The following KCNG3 variants were observed in gnomAD, a reference collection of about 807,000 sequenced individuals.
KCNG3 encodes the protein voltage-gated potassium channel regulatory subunit KCNG3.
In KCNG3, 15 loss-of-function variants were observed where a neutral mutation model predicts 29.0. The ratio of observed to expected loss-of-function variants is 0.52; its 90% CI spans 0.35 to 0.80. KCNG3 has a LOEUF of 0.80. KCNG3 is among the 30% of genes least tolerant of loss of function. The pLI is 0.01. For synonymous variants in KCNG3, 322 were observed against 248.9 expected (o/e 1.29, Z -2.76); for missense variants, 512 against 605.7 (o/e 0.85, Z 1.62).
chr2:42,459,739 G>A (rs1414616565), intron 1 of KCNG3, among the ~76,000 whole-genome samples: 2 of 152,220 alleles, frequency 1.3e-5, no homozygotes, highest in African/African-American at 4.8e-5. Flanking sequence ...CTCTTTGGGA[G>A]GTCAAGGCGG....
chr2:42,406,314 G>T, the KCNG3 span, among the ~76,000 whole-genome samples: 1 of 151,194 alleles, frequency 6.6e-6, no homozygotes, highest in South Asian at 2.1e-4. Flanking sequence ...CTGCCTCCTG[G>T]GTTCAAGCAA....
chr2:42,413,081 GT>G, the KCNG3 span, among the ~76,000 whole-genome samples: 1 of 152,068 alleles, frequency 6.6e-6, no homozygotes, highest in East Asian at 1.9e-4. Flanking sequence ...CTCCTGCATA[GT>G]TTACAGTGGC....
At chr2:42,462,300 A>C (rs1476102018) in intron 1 of KCNG3, among the ~76,000 whole-genome samples, 2 of 152,102 alleles carry the variant, frequency 1.3e-5, no homozygotes, top group African/African-American at 4.8e-5. Context: ...CACCCTCTCC[A>C]CCCCAAAATG....
At chr2:42,439,385 C>T (rs571260299), downstream of KCNG3, among the ~76,000 whole-genome samples, 84 of 151,916 alleles carry the variant, frequency 5.5e-4, no homozygotes, top group African/African-American at 2.0e-3. Context: ...CCTCAGCCTT[C>T]TGCGTAGCTG....
At chr2:42,449,521 T>C (rs1319886582) in intron 1 of KCNG3, among the ~76,000 whole-genome samples, 2 of 145,792 alleles carry the variant, frequency 1.4e-5, no homozygotes, top group Non-Finnish European at 3.0e-5. Context: ...TTTCTTTTTT[T>C]TTTTTTTTTT....
chr2:42,493,451 G>C lies in KCNG3; in HGVS notation c.51C>G (p.Gly17=). Residue 17 remains glycine, a synonymous_variant, in exon 1 of 2, where the codon GGC becomes GGG. Coordinates refer to ENST00000306078, the MANE Select transcript of KCNG3 (RefSeq NM_133329.6). ...GAASVVLNVG[G]ARYSLSRELL... ...GCTCCCGGGACAGCGAATACCGGGC[G>C]CCGCCCACGTTCAGCACCACCGAGG... 6.8e-7 allele frequency: 1 copy of C among 1,465,614 alleles called. No individual in the cohort carries two copies. Among genetic ancestry groups the C allele is most frequent in the South Asian group, 1.4e-5 (1 of 71,328 alleles). 90.8% of individuals were successfully genotyped at this position (1,465,614 alleles called of 1,614,324 possible).
the KCNG3 span, among the ~76,000 whole-genome samples, chr2:42,419,493 C>T: frequency 6.6e-6 from 1 of 151,910 alleles, no homozygotes; most frequent in African/African-American, 2.4e-5. Context: ...CTCCCCGCCT[C>T]GGCCTCCCAA....
At chr2:42,449,514 C>CTTTTTTTTTTTTTTTTTTTTTTTT (rs36088470) in intron 1 of KCNG3, among the ~76,000 whole-genome samples, 1 of 99,462 alleles carries the variant, frequency 1.0e-5, no homozygotes, top group African/African-American at 3.7e-5. Context: ...ACTGAGATTT[C>CTTTTTTTTTTTTTTTTTTTTTTTT]TTTTTTTTTT....
At chr2:42,458,586 T>G (rs550749664) in intron 1 of KCNG3, among the ~76,000 whole-genome samples, 1 of 152,342 alleles carries the variant, frequency 6.6e-6, no homozygotes, top group East Asian at 1.9e-4. Context: ...TGTGAAAAAT[T>G]ACAGGCAATT....
At chr2:42,420,426 CAT>C in the KCNG3 span, among the ~76,000 whole-genome samples, 7 of 152,276 alleles carry the variant, frequency 4.6e-5, no homozygotes, top group African/African-American at 1.7e-4. Context: ...TGCAGTATCA[CAT>C]GAGTGGAAGT....
intron 1 of KCNG3, among the ~76,000 whole-genome samples, chr2:42,447,682 T>A (rs558702064): frequency 5.3e-5 from 8 of 151,620 alleles, no homozygotes; most frequent in African/African-American, 1.9e-4. Flanking sequence ...ACTTGGTTAA[T>A]TTTTTTTCTT....
At chr2:42,492,693 T>G in intron 1 of KCNG3, 144 bp downstream of exon 1, 1 of 644,774 alleles carries the variant, frequency 1.6e-6, no homozygotes, top group Non-Finnish European at 2.3e-6. Flanking sequence ...ACCGGTCCCG[T>G]AGTTGGCCGC....
the KCNG3 span, among the ~76,000 whole-genome samples, chr2:42,402,881 A>G: frequency 6.6e-6 from 1 of 152,202 alleles, no homozygotes; most frequent in African/African-American, 2.4e-5. Context: ...TTCATCTTCT[A>G]TATGAATGTA....
In KCNG3 at chr2:42,458,491, T is replaced by A. The variant is rs368677635; in HGVS notation, c.666-13912A>T. Among the ~76,000 whole-genome samples, 136 of 151,896 alleles carry A rather than the reference T, an allele frequency of 9.0e-4. No individual in the cohort carries two copies. In the South Asian group the frequency reaches 0.011, roughly 12 times the overall value. On this transcript the variant is annotated intron_variant, in intron 1 of 1. Coordinates refer to ENST00000306078, the MANE Select transcript of KCNG3 (RefSeq NM_133329.6). Reference sequence around the variant, plus strand: ...CCCTACAAAGAAACAACCAAGTTCCTGACTGCAAATGCAAAGGCAACAATA... The same window carrying A: ...CCCTACAAAGAAACAACCAAGTTCCAGACTGCAAATGCAAAGGCAACAATA...
chr2:42,445,085 A>C (rs1323301786), intron 1 of KCNG3, among the ~76,000 whole-genome samples: 1 of 151,764 alleles, frequency 6.6e-6, no homozygotes, highest in East Asian at 1.9e-4. Flanking sequence ...AAAAAAAAAA[A>C]AAAAAAAATT....
At chr2:42,484,671 A>T (rs1673677924) in intron 1 of KCNG3, among the ~76,000 whole-genome samples, 1 of 152,230 alleles carries the variant, frequency 6.6e-6, no homozygotes. Flanking sequence ...TCACATTTTA[A>T]CACTTTTTTT....
chr2:42,444,414 C>T lies in KCNG3; in HGVS notation c.831G>A (p.Glu277=). 6.2e-7 allele frequency: 1 copy of T among 1,614,176 alleles called. No homozygotes were observed. Among genetic ancestry groups the T allele is most frequent in the Non-Finnish European group, 8.5e-7 (1 of 1,180,030 alleles). ...ISVLMTVFTG[E]NSQLQRAGVT... ...CTCCAGCCCTCTGGAGTTGAGAGTTCTCGCCTGTAAACACTGTCATCAACA... is the reference window on the plus strand; with the variant it reads ...CTCCAGCCCTCTGGAGTTGAGAGTTTTCGCCTGTAAACACTGTCATCAACA... Residue 277 remains glutamate (E), a synonymous_variant, in exon 2 of 2, where the codon GAG becomes GAA. Coordinates refer to ENST00000306078, the MANE Select transcript of KCNG3 (RefSeq NM_133329.6). The surrounding 1 kb of genome is among the most constrained non-coding windows in gnomAD (Gnocchi z 5.8).
the KCNG3 span, among the ~76,000 whole-genome samples, chr2:42,405,441 C>CATTTTT: frequency 6.7e-6 from 1 of 148,984 alleles, no homozygotes; most frequent in African/African-American, 2.5e-5. Context: ...CATTCTGCAG[C>CATTTTT]ATTTTTTTTT....
chr2:42,443,916 G>A lies in KCNG3; in HGVS notation c.*18C>T. On this transcript the variant is annotated 3_prime_UTR_variant, in exon 2 of 2. Transcript: ENST00000306078. ...AAGTCTTTCTATGAAGTGTATGCAA[G>A]AATTGATTTGCAATGCATTAATTCA... 6.3e-7 allele frequency: 1 copy of A among 1,586,942 alleles called. No homozygotes were observed. The highest frequency in any genetic ancestry group is 8.6e-7 in the Non-Finnish European group (1 of 1,166,884).
Sources: gnomAD v4.1 joint callset for allele counts (sites outside exome capture counted in the v4.1 genomes callset) on GRCh38, gnomAD v4.1.1 for gene constraint, Gnocchi (gnomAD v3.1) non-coding constraint, MANE v1.5 for transcripts, NCBI Gene and HGNC (gene_info 2026-07-23, HGNC 2026-07-21) for gene names.